Variants in CELA3B observed in about 807,000 individuals in gnomAD.
CELA3B encodes the protein chymotrypsin-like elastase family member 3B.
CELA3B carries 34 observed loss-of-function variants against 37.2 expected under a neutral mutation model. That is an observed-to-expected ratio of 0.91 (90% CI 0.70 to 1.22). The LOEUF is 1.22. Among genes scored for constraint, CELA3B ranks in the 50% most tolerant of loss-of-function variants. The pLI, the probability that CELA3B is intolerant of heterozygous loss-of-function variation, is 0.00. For synonymous variants in CELA3B, 127 were observed against 143.5 expected (o/e 0.89, Z 0.82); for missense variants, 340 against 363.1 (o/e 0.94, Z 0.52).
rs181306647 is a variant in CELA3B, at chr1:21,986,308, G to A, written c.643-223G>A. Among the ~76,000 whole-genome samples, 395 of 151,938 alleles carry A rather than the reference G, an allele frequency of 2.6e-3. 1 individual carries two copies. Among genetic ancestry groups the A allele is most frequent in the Middle Eastern group, 6.8e-3 (2 of 294 alleles). On this transcript the variant is annotated intron_variant, in intron 6 of 7. Transcript: ENST00000337107. ...CACTTGAACCTGGGAGCCGGGAGACGGAGGTTGCAATGAGCCAAGCTAGCT... is the reference window on the plus strand; with the variant it reads ...CACTTGAACCTGGGAGCCGGGAGACAGAGGTTGCAATGAGCCAAGCTAGCT...
chr1:21,998,302 C>A, exon 5 of CELA3B: 1 of 446,866 alleles, frequency 2.2e-6, no homozygotes, highest in South Asian at 1.6e-5. Context: ...TCCCATCTGA[C>A]CTTTAGTTCT....
chr1:21,992,422 AC>A (rs1644872555), downstream of CELA3B, among the ~76,000 whole-genome samples: 1 of 151,754 alleles, frequency 6.6e-6, no homozygotes, highest in African/African-American at 2.4e-5. Context: ...TGACAACAAG[AC>A]CCTGTGCATC....
At chr1:21,981,983 C>T (rs1254761949) in intron 4 of CELA3B, among the ~76,000 whole-genome samples, 1 of 152,056 alleles carries the variant, frequency 6.6e-6, no homozygotes, top group Non-Finnish European at 1.5e-5. Context: ...CCTCGGCCTC[C>T]CAAAGTGCTA....
At position 21,986,440 on chromosome 1, in the gene CELA3B, T is replaced by C. The variant is rs113593263; in HGVS notation, c.643-91T>C. On this transcript the variant is annotated intron_variant, in intron 6 of 7. Transcript: ENST00000337107. Reference sequence around the variant, plus strand: ...GCTAAGGCTCAGAGGAGTCAGGTAATGTCGGAGTTTCTCGAAATCCCTAGA... The same window carrying C: ...GCTAAGGCTCAGAGGAGTCAGGTAACGTCGGAGTTTCTCGAAATCCCTAGA... 2.3e-3 allele frequency: 3,436 copies of C among 1,519,552 alleles called. 81 individuals carry two copies. The African/African-American group carries it at 0.04, about 18-fold the overall frequency. The allele number at this position is 1,519,552 out of a possible 1,614,324, so 94.1% of individuals were successfully genotyped here.
chr1:21,984,168 C>A lies in CELA3B; in HGVS notation c.500-21C>A, dbSNP rs201994533. On this transcript the variant is annotated intron_variant, in intron 5 of 7. Transcript: ENST00000337107. ...GCCCTGTGCCCCCAGACCCCTGACT[C>A]GGTGCTTTTTATCGCTGCAGCCAAC... 1,003 of 1,609,144 alleles carry A rather than the reference C, an allele frequency of 6.2e-4. 12 individuals are homozygous for A. The South Asian group carries it at 8.3e-3, about 13-fold the overall frequency.
rs371219738 is a variant in CELA3B at position 21,984,293 on chromosome 1, A to G, written c.604A>G (p.Met202Val). 6.2e-7 allele frequency: 1 copy of G among 1,614,112 alleles called. No individual in the cohort carries two copies. Among genetic ancestry groups the G allele is most frequent in the Non-Finnish European group, 8.5e-7 (1 of 1,180,020 alleles). ...NWWGSSVKKT[M>V]VCAGGDIRSG... Reference sequence around the variant, plus strand: ...GTGGGGTTCCTCCGTGAAGAAGACCATGGTGTGTGCTGGAGGGGACATCCG... The same window carrying G: ...GTGGGGTTCCTCCGTGAAGAAGACCGTGGTGTGTGCTGGAGGGGACATCCG... The change falls in exon 6 of 8, where the codon ATG (methionine) becomes GTG (valine). Residue 202 changes from methionine (M) to valine (V), a missense_variant. Transcript: ENST00000337107.
At position 21,985,153 on chromosome 1, in the gene CELA3B, C is replaced by T. The variant is rs140868479; in HGVS notation, c.642+822C>T. ...TTTAAATTAGCCAGGCATGGTGGCA[C>T]TCGCCTGTAGTCCCAACTACTTGAG... On this transcript the variant is annotated intron_variant, in intron 6 of 7. Coordinates refer to ENST00000337107, the MANE Select transcript of CELA3B (RefSeq NM_007352.4). 2.7e-3 allele frequency among the ~76,000 whole-genome samples: 414 copies of T among 152,108 alleles called. 1 individual carries two copies. The highest frequency in any genetic ancestry group is 0.014 in the Middle Eastern group (4 of 294).
At chr1:21,983,446 G>A (rs1350433845) in intron 4 of CELA3B, among the ~76,000 whole-genome samples, 1 of 152,106 alleles carries the variant, frequency 6.6e-6, no homozygotes, top group Non-Finnish European at 1.5e-5. Context: ...TTCAGGAGGT[G>A]AAAGCAGGAG....
chr1:21,981,676 G>T (rs1047166090), intron 4 of CELA3B, among the ~76,000 whole-genome samples: 1 of 151,968 alleles, frequency 6.6e-6, no homozygotes, highest in East Asian at 1.9e-4. Context: ...CCTCCCGGGT[G>T]GTTGTGAAGG....
intron 4 of CELA3B, among the ~76,000 whole-genome samples, chr1:21,995,433 CTGCT>C (rs1194820194): frequency 1.3e-5 from 2 of 151,078 alleles, no homozygotes; most frequent in East Asian, 3.9e-4. Flanking sequence ...ACACTGCACC[CTGCT>C]TGTTAAGAGG....
chr1:21,985,280 C>CTTT lies in CELA3B; in HGVS notation c.642+962_642+964dup, dbSNP rs550752207. Among the ~76,000 whole-genome samples, 387 of 145,606 alleles carry CTTT rather than the reference C, an allele frequency of 2.7e-3. 96 individuals are homozygous for CTTT. The highest frequency in any genetic ancestry group is 3.8e-3 in the Non-Finnish European group (253 of 66,452). On this transcript the variant is annotated intron_variant, in intron 6 of 7. Coordinates refer to ENST00000337107, the MANE Select transcript of CELA3B (RefSeq NM_007352.4). ...CCTGGGCGACAGAGCAAGATGTTGT[C>CTTT]TTTTTTTTTTTTTTTGAGACAGGAT... is the stretch of plus-strand genomic sequence containing the variant.
chr1:21,981,016 C>T (rs1459899995), intron 3 of CELA3B, 22 bp from the exon 4 acceptor site: 4 of 1,614,014 alleles, frequency 2.5e-6, no homozygotes, highest in Middle Eastern at 1.6e-4. Context: ...CAGGCCCAGA[C>T]TGACCTCACC....
exon 5 of CELA3B, chr1:21,998,393 G>A (rs1056659123): frequency 2.6e-5 from 9 of 339,704 alleles, no homozygotes; most frequent in Non-Finnish European, 4.9e-5. Context: ...CCGCCCCATG[G>A]GGGCTCCGTT....
chr1:21,977,594 C>A (rs1161307427), intron 1 of CELA3B, among the ~76,000 whole-genome samples: 2 of 152,162 alleles, frequency 1.3e-5, no homozygotes, highest in Non-Finnish European at 2.9e-5. Context: ...TAGGGTTTTC[C>A]TTATACTTTC....
chr1:21,996,373 T>C (rs1341845434), intron 4 of CELA3B, among the ~76,000 whole-genome samples: 1 of 150,998 alleles, frequency 6.6e-6, no homozygotes, highest in African/African-American at 2.5e-5. Flanking sequence ...AAAACAAAGA[T>C]AGCCATGAGA....
chr1:21,986,624 A>G lies in CELA3B; in HGVS notation c.736A>G (p.Thr246Ala), dbSNP rs1191484612. The change falls in exon 7 of 8, where the codon ACC (threonine) becomes GCC (alanine). Residue 246 changes from threonine to alanine, a missense_variant. By Grantham distance (58) the Thr-to-Ala change is moderately conservative. Transcript: ENST00000337107. Reference sequence around the variant, plus strand: ...CTTTGTTTCTGCCTTTGGCTGCAACACCCGCAGGAAGCCCACGGTGTTCAC... The same window carrying G: ...CTTTGTTTCTGCCTTTGGCTGCAACGCCCGCAGGAAGCCCACGGTGTTCAC... ...TSFVSAFGCNTRRKPTVFTRV... is the reference protein window; with the variant it reads ...TSFVSAFGCNARRKPTVFTRV... The G allele has an allele frequency of 5.0e-6, 8 of 1,613,320 alleles. No homozygotes were observed. The highest frequency in any genetic ancestry group is 6.8e-6 in the Non-Finnish European group (8 of 1,179,520).
At chr1:21,998,458 C>G in exon 5 of CELA3B, 1 of 256,032 alleles carries the variant, frequency 3.9e-6, no homozygotes, top group Non-Finnish European at 8.3e-6. Flanking sequence ...ATGTGCCCAT[C>G]AGGACACCAT....
intron 1 of CELA3B, among the ~76,000 whole-genome samples, chr1:21,977,425 C>T (rs1440490895): frequency 2.0e-5 from 3 of 152,148 alleles, no homozygotes; most frequent in African/African-American, 4.8e-5. Context: ...TCTCACACTC[C>T]CCCTACCTGG....
At chr1:21,990,976 G>A (rs1387710650), downstream of CELA3B, among the ~76,000 whole-genome samples, 1 of 56,256 alleles carries the variant, frequency 1.8e-5, no homozygotes, top group Admixed American at 1.5e-4. Context: ...GATTGTCCCA[G>A]CAAGGACACA....
Sources: allele counts gnomAD v4.1 joint callset (sites outside exome capture counted in the v4.1 genomes callset), GRCh38; gene constraint gnomAD v4.1.1; transcripts MANE v1.5; gene names NCBI Gene and HGNC (gene_info 2026-07-23, HGNC 2026-07-21).